CCDC187: variants seen among roughly 807,000 people sequenced by gnomAD.
The protein encoded by CCDC187 is coiled-coil domain-containing protein 187.
A neutral mutation model predicts 38.0 loss-of-function variants in CCDC187; 32 were observed. That is an observed-to-expected ratio of 0.84 (90% CI 0.64 to 1.13). The LOEUF (loss-of-function observed/expected upper bound fraction) is 1.13. CCDC187 is among the 50% of genes most tolerant of loss of function. CCDC187 has a pLI of 0.00. For missense variants in CCDC187, 707 were observed against 786.8 expected (o/e 0.90, Z 1.21); for synonymous variants, 333 against 347.9 (o/e 0.96, Z 0.48).
intron 10 of CCDC187, among the ~76,000 whole-genome samples, chr9:136,277,030 G>A (rs1343258824): frequency 6.6e-6 from 1 of 151,994 alleles, no homozygotes; most frequent in Non-Finnish European, 1.5e-5. Flanking sequence ...GCCTGACCCC[G>A]GCCAGGACCA....
intron 10 of CCDC187, among the ~76,000 whole-genome samples, chr9:136,279,355 G>C (rs1003605854): frequency 1.3e-5 from 2 of 151,606 alleles, no homozygotes; most frequent in Non-Finnish European, 2.9e-5. Flanking sequence ...AGATTCTCTC[G>C]GACAGTGCTG....
At chr9:136,273,149 G>A (rs1027059409) in intron 14 of CCDC187, among the ~76,000 whole-genome samples, 2 of 152,178 alleles carry the variant, frequency 1.3e-5, no homozygotes, top group Admixed American at 6.5e-5. Flanking sequence ...ATAACCAGGT[G>A]AGACTCAAAC....
At position 136,254,846 on chromosome 9, in the gene CCDC187, CCTT is replaced by C; in HGVS notation, c.4979_4981del (p.Glu1660del). 7 of 985,346 alleles carry C rather than the reference CCTT, an allele frequency of 7.1e-6. No individual in the cohort carries two copies. Among genetic ancestry groups the C allele is most frequent in the Non-Finnish European group, 8.4e-6 (7 of 829,954 alleles). The allele number at this position is 985,346 out of a possible 1,614,324, so 61.0% of individuals were successfully genotyped here. ...AGAGAGCTCTCCAGGCCAGCTGAAA[CCTT>C]CGTCTGGGGAGTCTTCAGCTTCCAA... is the stretch of plus-strand genomic sequence containing the variant. On this transcript the variant is annotated inframe_deletion, in exon 26 of 26. Transcript: ENST00000638797.
In CCDC187 at chr9:136,254,581, C is replaced by T; in HGVS notation, c.5247G>A (p.Arg1749=). Residue 1749 remains arginine (R), a synonymous_variant, in exon 26 of 26, where the codon AGG becomes AGA. Transcript: ENST00000638797. ...AGGCCTCTGACAGCTCTGACCCTGACCTTGGAGAGGGGATGTCTGGGAAAG... is the reference window on the plus strand; with the variant it reads ...AGGCCTCTGACAGCTCTGACCCTGATCTTGGAGAGGGGATGTCTGGGAAAG... The part of the protein sequence containing the change: ...LLPFPDIPSP[R]SGSELSEASS... 1 of 985,526 alleles carries T rather than the reference C, an allele frequency of 1.0e-6. No individual in the cohort carries two copies. The highest frequency in any genetic ancestry group is 1.2e-6 in the Non-Finnish European group (1 of 829,982). The allele number at this position is 985,526 out of a possible 1,614,324, so 61.0% of individuals were successfully genotyped here.
chr9:136,262,550 T>G, intron 18 of CCDC187, 88 bp from the exon 19 acceptor site: 2 of 974,372 alleles, frequency 2.1e-6, no homozygotes, highest in South Asian at 9.5e-5. Context: ...TGGCTGTGGC[T>G]GTGGCAGGGC....
chr9:136,306,400 G>A (rs1480352199), upstream of CCDC187, among the ~76,000 whole-genome samples: 1 of 152,176 alleles, frequency 6.6e-6, no homozygotes, highest in Non-Finnish European at 1.5e-5. Flanking sequence ...CCCCTCCTGA[G>A]CCTCCCTCCC....
At chr9:136,277,468 G>A (rs1388150008) in intron 10 of CCDC187, among the ~76,000 whole-genome samples, 1 of 126,414 alleles carries the variant, frequency 7.9e-6, no homozygotes, top group Non-Finnish European at 1.7e-5. Flanking sequence ...GTGCTGACAG[G>A]GTGGGTGGGT....
At chr9:136,273,980 C>T (rs1554762829) in intron 14 of CCDC187, among the ~76,000 whole-genome samples, 2 of 152,362 alleles carry the variant, frequency 1.3e-5, no homozygotes, top group South Asian at 2.1e-4. Context: ...TTTGCTGACA[C>T]ACATCACACG....
chr9:136,260,018 C>G lies in CCDC187; in HGVS notation c.4210+101G>C, dbSNP rs1830662149. The G allele has an allele frequency of 1.2e-5, 11 of 936,036 alleles. No homozygotes were observed. The South Asian group carries it at 4.9e-4, about 42-fold the overall frequency. The allele number at this position is 936,036 out of a possible 1,614,324, so 58.0% of individuals were successfully genotyped here. ...AGGCGGGGCACAGCAGGCCAGAACACAGGCCTACCTGACCCTGGGCCTAAT... is the reference window on the plus strand; with the variant it reads ...AGGCGGGGCACAGCAGGCCAGAACAGAGGCCTACCTGACCCTGGGCCTAAT... On this transcript the variant is annotated intron_variant, in intron 20 of 25. Coordinates refer to ENST00000638797, the MANE Select transcript of CCDC187 (RefSeq NM_001378188.1).
chr9:136,257,994 A>G lies in CCDC187; in HGVS notation c.4366+938T>C, dbSNP rs112122274. On this transcript the variant is annotated intron_variant, in intron 22 of 25. Transcript: ENST00000638797. The surrounding 1 kb of genome is among the most constrained non-coding windows in gnomAD (Gnocchi z 4.5). The stretch of plus-strand genomic sequence containing the variant: ...CCACCTCCAGAGGCAACGAGGACCC[A>G]TGGTGGGTGCAGGCGCCTGGCTGGC... Among the ~76,000 whole-genome samples the G allele has an allele frequency of 0.047, 7,146 of 152,296 alleles. 174 individuals are homozygous for G. Among genetic ancestry groups the G allele is most frequent in the Middle Eastern group, 0.11 (32 of 294 alleles).
At chr9:136,275,459 C>T (rs1468388418) in intron 12 of CCDC187, among the ~76,000 whole-genome samples, 13 of 151,956 alleles carry the variant, frequency 8.6e-5, no homozygotes, top group Admixed American at 4.6e-4. Flanking sequence ...CACACACGTG[C>T]ACACACACCC....
At chr9:136,281,316 G>A (rs895927605) in intron 10 of CCDC187, 11 of 397,698 alleles carry the variant, frequency 2.8e-5, no homozygotes, top group Middle Eastern at 6.2e-4. Context: ...AAATAAGCAC[G>A]TGGGTCTCAT....
chr9:136,260,218 C>T lies in CCDC187; in HGVS notation c.4111G>A (p.Asp1371Asn), dbSNP rs1830664384. The change falls in exon 20 of 26, where the codon GAT (aspartate) becomes AAT (asparagine). Residue 1371 changes from aspartate (D) to asparagine (N), a missense_variant. Asp to Asn is a conservative substitution (Grantham distance 23). Coordinates refer to ENST00000638797, the MANE Select transcript of CCDC187 (RefSeq NM_001378188.1). ...GGAGGCTGCTGGTGACCATCTGCAT[C>T]GGAGGTTGTCTGGGGTGGCGTCACA... ...QDVTPPQTTS[D>N]ADGHQQPPRP... The T allele has an allele frequency of 9.1e-6, 9 of 985,462 alleles. No homozygotes were observed. Among genetic ancestry groups the T allele is most frequent in the East Asian group, 1.1e-4 (1 of 8,800 alleles). The allele number at this position is 985,462 out of a possible 1,614,324, so 61.0% of individuals were successfully genotyped here. A position where few individuals can be genotyped will look rare whatever the true frequency, so the allele number is the denominator to read the frequency against.
intron 10 of CCDC187, among the ~76,000 whole-genome samples, chr9:136,277,114 G>A (rs969152445): frequency 1.4e-3 from 210 of 152,034 alleles, no homozygotes; most frequent in African/African-American, 4.7e-3. Context: ...CAGACAGACC[G>A]GGTCTGTCAT....
At chr9:136,275,875 T>C (rs2131217049) in intron 12 of CCDC187, among the ~76,000 whole-genome samples, 1 of 152,156 alleles carries the variant, frequency 6.6e-6, no homozygotes, top group East Asian at 1.9e-4. Flanking sequence ...CATGCTCCCA[T>C]GGAGAGCCCA....
chr9:136,300,291 C>A lies in CCDC187; in HGVS notation c.653G>T (p.Arg218Leu). The A allele has an allele frequency of 2.5e-6, 1 of 398,658 alleles. No homozygotes were observed. The highest frequency in any genetic ancestry group is 3.6e-5 in the East Asian group (1 of 28,074). The allele number at this position is 398,658 out of a possible 1,614,324, so 24.7% of individuals were successfully genotyped here. A position where few individuals can be genotyped will look rare whatever the true frequency, so the allele number is the denominator to read the frequency against. The change falls in exon 3 of 26, where the codon CGC becomes CTC. Residue 218 changes from arginine to leucine, a missense_variant. Arg to Leu is a moderately radical substitution (Grantham distance 102, BLOSUM62 -2). Transcript: ENST00000638797. Reference sequence around the variant, plus strand: ...GTGGGATGCCTTGGCTTCAACTCTGCGCTCAGCTGCACTCAAGATGCTGAA... The same window carrying A: ...GTGGGATGCCTTGGCTTCAACTCTGAGCTCAGCTGCACTCAAGATGCTGAA... The part of the protein sequence containing the change: ...SGFSILSAAE[R>L]RVEAKASHGQ...
chr9:136,276,236 T>A lies in CCDC187; in HGVS notation c.3183A>T (p.Thr1061=), dbSNP rs1588659223. ...RQRAELEARE[T]QQTLDGLLFR... is the part of the protein sequence containing the mutation. ...AGAGCAGCCCATCCAGGGTCTGCTG[T>A]GTCTCCCGGGCCTCCAGCTCTGCCC... Residue 1061 remains threonine (T), a synonymous_variant, in exon 12 of 26, where the codon ACA becomes ACT. Coordinates refer to ENST00000638797, the MANE Select transcript of CCDC187 (RefSeq NM_001378188.1). 1.3e-5 allele frequency: 2 copies of A among 152,216 alleles called. No individual in the cohort carries two copies. Among genetic ancestry groups the A allele is most frequent in the African/African-American group, 4.8e-5 (2 of 41,450 alleles). The allele number at this position is 152,216 out of a possible 1,614,324, so 9.4% of individuals were successfully genotyped here. A position where few individuals can be genotyped will look rare whatever the true frequency, so the allele number is the denominator to read the frequency against.
At chr9:136,288,455 G>C (rs1012267442) in intron 7 of CCDC187, among the ~76,000 whole-genome samples, 3 of 152,296 alleles carry the variant, frequency 2.0e-5, no homozygotes, top group Admixed American at 2.0e-4. Context: ...GGACGCTCTG[G>C]TGGGTGGGAG....
At chr9:136,295,150 G>A (rs1831503889) in intron 4 of CCDC187, among the ~76,000 whole-genome samples, 1 of 152,232 alleles carries the variant, frequency 6.6e-6, no homozygotes, top group Non-Finnish European at 1.5e-5. Context: ...TGACCCAACT[G>A]GTCACAGCTG....
Sources: allele counts gnomAD v4.1 joint callset (sites outside exome capture counted in the v4.1 genomes callset), GRCh38; gene constraint gnomAD v4.1.1; non-coding constraint Gnocchi (gnomAD v3.1); transcripts MANE v1.5; gene names NCBI Gene and HGNC (gene_info 2026-07-23, HGNC 2026-07-21).